COL26A1: variants seen among roughly 807,000 people sequenced by gnomAD.
The protein encoded by COL26A1 is collagen type XXVI alpha 1 chain.
A neutral mutation model predicts 59.3 loss-of-function variants in COL26A1; 41 were observed. That is an observed-to-expected ratio of 0.69 (90% CI 0.54 to 0.90). The LOEUF is 0.90. Among genes scored for constraint, COL26A1 ranks in the 40% least tolerant of loss-of-function variants. The pLI is 0.00. For synonymous variants in COL26A1, 266 were observed against 256.0 expected (o/e 1.04, Z -0.37); for missense variants, 612 against 602.3 (o/e 1.02, Z -0.17).
intron 3 of COL26A1, among the ~76,000 whole-genome samples, chr7:101,463,873 C>CTTTCTTTCTTTCTTTCT (rs1554416092): frequency 2.8e-5 from 2 of 72,298 alleles, no homozygotes; most frequent in African/African-American, 7.6e-5. Context: ...TTTTTCTTTT[C>CTTTCTTTCTTTCTTTCT]TTTCTTTCTT....
chr7:101,467,039 G>C (rs937612291), intron 3 of COL26A1, among the ~76,000 whole-genome samples: 5 of 151,910 alleles, frequency 3.3e-5, no homozygotes, highest in African/African-American at 1.2e-4. Context: ...GTGGAGATTG[G>C]TTGGGGTTTG....
At chr7:101,443,185 C>G (rs183396306) in intron 2 of COL26A1, among the ~76,000 whole-genome samples, 19 of 152,226 alleles carry the variant, frequency 1.2e-4, no homozygotes, top group African/African-American at 3.4e-4. Context: ...TCCAACCCCC[C>G]ATCCTGCACT....
chr7:101,502,765 A>T (rs1379755173), intron 3 of COL26A1, among the ~76,000 whole-genome samples: 11 of 152,158 alleles, frequency 7.2e-5, no homozygotes, highest in Non-Finnish European at 1.6e-4. Flanking sequence ...GGGTCTAGGG[A>T]CGCATGCCCC....
chr7:101,388,422 G>A (rs142573010), intron 1 of COL26A1, among the ~76,000 whole-genome samples: 1,961 of 151,700 alleles, frequency 0.013, 38 homozygotes, highest in African/African-American at 0.045. Flanking sequence ...GCAGTCAGCC[G>A]AGATCGCGCC....
At chr7:101,412,644 C>CAA (rs55967503) in intron 1 of COL26A1, among the ~76,000 whole-genome samples, 57 of 87,652 alleles carry the variant, frequency 6.5e-4, no homozygotes, top group Non-Finnish European at 8.7e-4. Flanking sequence ...GACTCCGTCT[C>CAA]AAAAAAAAAA....
intron 3 of COL26A1, among the ~76,000 whole-genome samples, chr7:101,471,867 G>A (rs189964859): frequency 1.4e-4 from 22 of 152,128 alleles, no homozygotes; most frequent in African/African-American, 3.4e-4. Flanking sequence ...GGCATGAGCC[G>A]CTGCGCCCGG....
chr7:101,402,537 TTTC>T (rs375842932), intron 1 of COL26A1, among the ~76,000 whole-genome samples: 94 of 152,004 alleles, frequency 6.2e-4, no homozygotes, highest in African/African-American at 2.2e-3. Flanking sequence ...TTCTCTTTCT[TTTC>T]TTCTTTCTTT....
At chr7:101,430,953 C>T (rs956141109) in intron 2 of COL26A1, among the ~76,000 whole-genome samples, 9 of 152,006 alleles carry the variant, frequency 5.9e-5, no homozygotes, top group Admixed American at 5.9e-4. Flanking sequence ...CACCACCATG[C>T]CCGCTAATTT....
At chr7:101,404,381 C>A (rs887504413) in intron 1 of COL26A1, among the ~76,000 whole-genome samples, 2 of 152,134 alleles carry the variant, frequency 1.3e-5, no homozygotes, top group African/African-American at 2.4e-5. Context: ...ACTATCAAGG[C>A]GTGAGAATGT....
In COL26A1 at chr7:101,489,817, T is replaced by C. The variant is rs1179550671; in HGVS notation, c.385+42030T>C. On this transcript the variant is annotated intron_variant, in intron 3 of 12. Coordinates refer to ENST00000313669, the MANE Select transcript of COL26A1 (RefSeq NM_001278563.3). ...TTCTTTCTTTCTTTCTTTCTTTCTT[T>C]CTTTCTTTCTTTCTTTCTTTCTTTC... Among the ~76,000 whole-genome samples, 27 of 5,240 alleles carry C rather than the reference T, an allele frequency of 5.2e-3. 2 individuals carry two copies. The highest frequency in any genetic ancestry group is 9.9e-3 in the Admixed American group (5 of 506). 3.4% of individuals were successfully genotyped at this position (5,240 alleles called of 152,430 possible).
At chr7:101,423,110 C>T (rs994454445) in intron 2 of COL26A1, among the ~76,000 whole-genome samples, 4 of 151,920 alleles carry the variant, frequency 2.6e-5, no homozygotes, top group Non-Finnish European at 2.9e-5. Context: ...ACTAAAAATA[C>T]GAAAATTAGC....
chr7:101,539,591 G>A (rs1472522960), intron 4 of COL26A1, among the ~76,000 whole-genome samples: 1 of 152,080 alleles, frequency 6.6e-6, no homozygotes, highest in Non-Finnish European at 1.5e-5. Context: ...GCCTCTTAAA[G>A]TGCTGGGATT....
chr7:101,490,495 A>G (rs1156850701), intron 3 of COL26A1, among the ~76,000 whole-genome samples: 2 of 151,892 alleles, frequency 1.3e-5, no homozygotes, highest in Non-Finnish European at 2.9e-5. Flanking sequence ...TGAAGTCGGG[A>G]GTTCGAGACC....
chr7:101,439,672 G>A (rs867085771), intron 2 of COL26A1, among the ~76,000 whole-genome samples: 59 of 151,964 alleles, frequency 3.9e-4, no homozygotes, highest in African/African-American at 1.4e-3. Context: ...AGCAGGCAGA[G>A]CCCGTGGGCC....
At chr7:101,541,037 G>C (rs1462284327) in intron 5 of COL26A1, among the ~76,000 whole-genome samples, 1 of 152,216 alleles carries the variant, frequency 6.6e-6, no homozygotes, top group Non-Finnish European at 1.5e-5. Flanking sequence ...GTCCCTCATG[G>C]AAACAACCAG....
chr7:101,365,942 A>C (rs10953336), intron 1 of COL26A1, among the ~76,000 whole-genome samples: 88,106 of 151,934 alleles, frequency 0.58, 27,130 homozygotes, highest in African/African-American at 0.8. Context: ...ACTTGGGGAC[A>C]TCTGCAGAAA....
chr7:101,452,282 G>A (rs967325019), intron 3 of COL26A1, among the ~76,000 whole-genome samples: 1 of 152,160 alleles, frequency 6.6e-6, no homozygotes, highest in African/African-American at 2.4e-5. Context: ...TGGGAGGACA[G>A]TCCCTGCTGA....
Position 101,465,066 on chromosome 7 carries a change from C to G in COL26A1, c.385+17279C>G, listed in dbSNP as rs376280250. On this transcript the variant is annotated intron_variant, in intron 3 of 12. Transcript: ENST00000313669. The stretch of plus-strand genomic sequence containing the variant: ...TTTTTTTTTTTTGTTGGGACAGAGT[C>G]TCATTCTGTTGCCCAGGCTGGAATG... Among the ~76,000 whole-genome samples the G allele has an allele frequency of 3.6e-5, 5 of 140,570 alleles. No homozygotes were observed. The East Asian group carries it at 1.1e-3, about 30-fold the overall frequency. 92.2% of individuals were successfully genotyped at this position (140,570 alleles called of 152,430 possible).
chr7:101,547,815 TCA>T (rs1200335761), intron 8 of COL26A1, among the ~76,000 whole-genome samples: 4 of 145,714 alleles, frequency 2.7e-5, no homozygotes, highest in South Asian at 2.1e-4. Context: ...ATTCATTCGT[TCA>T]TTCATTCATT....
Sources: gnomAD v4.1 joint callset for allele counts (sites outside exome capture counted in the v4.1 genomes callset) on GRCh38, gnomAD v4.1.1 for gene constraint, MANE v1.5 for transcripts, NCBI Gene and HGNC (gene_info 2026-07-23, HGNC 2026-07-21) for gene names.